The following ITGB6 variants were observed in gnomAD, a reference collection of about 807,000 sequenced individuals.
ITGB6 encodes integrin beta-6.
Under a neutral mutation model 84.5 loss-of-function variants are expected in ITGB6, and 80 were observed. The ratio of observed to expected loss-of-function variants is 0.95; its 90% CI spans 0.79 to 1.14. ITGB6 has a LOEUF of 1.14. Ranked by LOEUF, ITGB6 falls within the 50% of genes most tolerant of loss-of-function variation. The probability of loss-of-function intolerance (pLI) is 0.00; values close to 1 mark genes in which losing one functional copy is unlikely to be tolerated. For missense variants in ITGB6, 1,006 were observed against 968.0 expected (o/e 1.04, Z -0.52); for synonymous variants, 383 against 354.9 (o/e 1.08, Z -0.89).
At chr2:160,145,969 T>A (rs1321563747) in intron 7 of ITGB6, among the ~76,000 whole-genome samples, 1 of 152,166 alleles carries the variant, frequency 6.6e-6, no homozygotes, top group Non-Finnish European at 1.5e-5. Flanking sequence ...GCTGGGTACC[T>A]TGATTTGGTT....
chr2:160,165,955 T>C (rs543266114), intron 7 of ITGB6, among the ~76,000 whole-genome samples: 1 of 152,372 alleles, frequency 6.6e-6, no homozygotes, highest in Admixed American at 6.5e-5. Flanking sequence ...CAAGTCTTTC[T>C]TTTGACCCAA....
At chr2:160,145,996 ACT>A (rs1684172154) in intron 7 of ITGB6, among the ~76,000 whole-genome samples, 1 of 151,602 alleles carries the variant, frequency 6.6e-6, no homozygotes, top group South Asian at 2.1e-4. Context: ...TTGGACAGTA[ACT>A]CTACTGGGCC....
chr2:160,195,697 C>A, intron 3 of ITGB6, 82 bp from the exon 4 acceptor site: 1 of 1,480,800 alleles, frequency 6.8e-7, no homozygotes, highest in South Asian at 1.2e-5. Context: ...GGTCAGCTGG[C>A]TATTTCACCT....
chr2:160,114,971 C>T (rs916686007), intron 12 of ITGB6, among the ~76,000 whole-genome samples: 1 of 152,230 alleles, frequency 6.6e-6, no homozygotes, highest in Non-Finnish European at 1.5e-5. Context: ...ATTGCCCAGG[C>T]TTGATTAGGT....
chr2:160,122,331 T>C (rs181966659), intron 12 of ITGB6, among the ~76,000 whole-genome samples: 2 of 152,344 alleles, frequency 1.3e-5, no homozygotes, highest in Admixed American at 6.5e-5. Flanking sequence ...TACTTAAATA[T>C]AGTAAGTACC....
intron 7 of ITGB6, among the ~76,000 whole-genome samples, chr2:160,149,816 G>A (rs548661771): frequency 6.6e-6 from 1 of 152,198 alleles, no homozygotes; most frequent in Non-Finnish European, 1.5e-5. Flanking sequence ...GCATGCACAA[G>A]CTTCAATAGC....
intron 4 of ITGB6, among the ~76,000 whole-genome samples, chr2:160,188,603 A>G (rs1686003247): frequency 1.3e-5 from 2 of 150,026 alleles, no homozygotes; most frequent in African/African-American, 2.5e-5. Context: ...AACTCATTCA[A>G]TTCTTTTTTT....
intron 10 of ITGB6, among the ~76,000 whole-genome samples, chr2:160,136,656 G>A (rs1433035084): frequency 6.6e-6 from 1 of 152,200 alleles, no homozygotes; most frequent in Non-Finnish European, 1.5e-5. Context: ...CAACCCAAAT[G>A]TCCAACAATG....
At chr2:160,108,254 T>TGTGTGC (rs931322646) in intron 13 of ITGB6, among the ~76,000 whole-genome samples, 19 of 151,016 alleles carry the variant, frequency 1.3e-4, no homozygotes, top group African/African-American at 4.1e-4. Context: ...TGTGTGTGTG[T>TGTGTGC]GCTGCATGTC....
At chr2:160,116,142 G>C (rs1281634227) in intron 12 of ITGB6, among the ~76,000 whole-genome samples, 1 of 149,394 alleles carries the variant, frequency 6.7e-6, no homozygotes, top group African/African-American at 2.5e-5. Flanking sequence ...CCAACGTTCA[G>C]ATTCAGGAAA....
In ITGB6 at chr2:160,135,214, A is replaced by G. The variant is rs1434191109; in HGVS notation, c.1660+2220T>C. On this transcript the variant is annotated intron_variant, in intron 10 of 14. Transcript: ENST00000283249. The stretch of plus-strand genomic sequence containing the variant: ...TAAGCAACTTCAGCAAAGTCTCAGG[A>G]TACAAAATCAATGTACAAAAATCAC... 3.3e-5 allele frequency among the ~76,000 whole-genome samples: 5 copies of G among 151,652 alleles called. No homozygotes were observed. The East Asian group carries it at 7.7e-4, about 23-fold the overall frequency.
Position 160,137,473 on chromosome 2 carries a change from T to C in ITGB6, c.1621A>G (p.Asn541Asp), listed in dbSNP as rs1418523966. The C allele has an allele frequency of 1.9e-6, 3 of 1,613,276 alleles. No homozygotes were observed. The highest frequency in any genetic ancestry group is 2.2e-5 in the South Asian group (2 of 91,058). Residue 541 changes from asparagine (N) to aspartate (D), a missense_variant, in exon 10 of 15, where the codon AAT (asparagine) becomes GAT (aspartate). Asn to Asp is a conservative substitution (Grantham distance 23). Transcript: ENST00000283249. ...NIYGPYCQCD[N>D]FSCVRHKGLL... ...CCTTTGTGTCTCACGCAGGAGAAAT[T>C]GTCACACTGGCAATAAGGCCCATAA...
At chr2:160,120,825 A>T (rs1381165890) in intron 12 of ITGB6, among the ~76,000 whole-genome samples, 2 of 147,950 alleles carry the variant, frequency 1.4e-5, no homozygotes, top group Admixed American at 1.4e-4. Flanking sequence ...AAAACCAAAC[A>T]CCACATGTTC....
intron 13 of ITGB6, among the ~76,000 whole-genome samples, chr2:160,108,354 C>T (rs534299066): frequency 2.6e-5 from 4 of 151,940 alleles, no homozygotes; most frequent in Non-Finnish European, 5.9e-5. Flanking sequence ...GAAAAAATTA[C>T]TATTTCCTTC....
At position 160,172,587 on chromosome 2, in the gene ITGB6, G is replaced by C. The variant is rs1685251110; in HGVS notation, c.903C>G (p.Tyr301Ter). The change falls in exon 6 of 15, where the codon TAC becomes TAG. Residue 301 changes from tyrosine (Y) to a stop codon, truncating the protein, a stop_gained. Coordinates refer to ENST00000283249, the MANE Select transcript of ITGB6 (RefSeq NM_000888.5). LOFTEE classifies it high-confidence loss of function. The stretch of plus-strand genomic sequence containing the variant: ...TACACACCAAGACAGTTGACATGGA[G>C]TATTCATTCTTGCTGTCCAAGTGAC... ...GLCHLDSKNEYSMSTVLEYPT... is the reference protein window; with the variant it reads ...GLCHLDSKNE 1 of 1,606,510 alleles carries C rather than the reference G, an allele frequency of 6.2e-7. No homozygotes were observed.
intron 14 of ITGB6, among the ~76,000 whole-genome samples, chr2:160,103,022 TA>T (rs1696781165): frequency 6.6e-6 from 1 of 152,226 alleles, no homozygotes; most frequent in Non-Finnish European, 1.5e-5. Flanking sequence ...ATTATTAAGA[TA>T]TTTTCCCCCA....
chr2:160,188,366 T>C (rs1685986794), intron 4 of ITGB6, among the ~76,000 whole-genome samples: 2 of 152,164 alleles, frequency 1.3e-5, no homozygotes, highest in South Asian at 4.1e-4. Flanking sequence ...GAACTTGCTA[T>C]TTACCACCTT....
intron 7 of ITGB6, among the ~76,000 whole-genome samples, chr2:160,161,038 C>T (rs996970574): frequency 1.3e-5 from 2 of 152,030 alleles, no homozygotes; most frequent in Admixed American, 6.6e-5. Context: ...TTTGTTGGTC[C>T]TATTAATATA....
In ITGB6 at chr2:160,200,254, C is replaced by T. The variant is rs1686506066; in HGVS notation, c.-191G>A. On this transcript the variant is annotated 5_prime_UTR_variant, in exon 1 of 15. Coordinates refer to ENST00000283249, the MANE Select transcript of ITGB6 (RefSeq NM_000888.5). ...ATTAAGACTGAAATGAAAACAGAGG[C>T]TACCTGGACAGGTAAAGCAGAAAAG... The T allele has an allele frequency of 5.6e-6, 3 of 534,966 alleles. No individual in the cohort carries two copies. The highest frequency in any genetic ancestry group is 9.8e-6 in the Non-Finnish European group (3 of 305,794). 33.1% of individuals were successfully genotyped at this position (534,966 alleles called of 1,614,324 possible). A position where few individuals can be genotyped will look rare whatever the true frequency, so the allele number is the denominator to read the frequency against.
Sources: allele counts gnomAD v4.1 joint callset (sites outside exome capture counted in the v4.1 genomes callset), GRCh38; gene constraint gnomAD v4.1.1; transcripts MANE v1.5; gene names NCBI Gene and HGNC (gene_info 2026-07-23, HGNC 2026-07-21).